Variants in CLSTN2 observed in about 807,000 individuals in gnomAD.
The protein encoded by CLSTN2 is calsyntenin 2.
A neutral mutation model predicts 101.2 loss-of-function variants in CLSTN2; 48 were observed. The observed-to-expected ratio is 0.47, with a 90% CI of 0.38 to 0.60. CLSTN2 has a LOEUF of 0.60. CLSTN2 is among the 20% of genes least tolerant of loss of function. The probability of loss-of-function intolerance (pLI) is 0.00; values close to 1 mark genes in which losing one functional copy is unlikely to be tolerated. For synonymous variants in CLSTN2, 481 were observed against 463.6 expected, an observed-to-expected ratio of 1.04 and a Z score of -0.48; for missense variants, 1,160 against 1,238.2, an observed-to-expected ratio of 0.94 and a Z score of 0.95.
chr3:140,146,587 G>A (rs73868756), intron 1 of CLSTN2, among the ~76,000 whole-genome samples: 5,574 of 152,280 alleles, frequency 0.037, 222 homozygotes, highest in African/African-American at 0.1. Flanking sequence ...AGAAAAATTT[G>A]AAAGAAGTTG....
At chr3:140,141,416 G>A (rs1339978072) in intron 1 of CLSTN2, among the ~76,000 whole-genome samples, 1 of 152,214 alleles carries the variant, frequency 6.6e-6, no homozygotes, top group Non-Finnish European at 1.5e-5. Context: ...GAAGGCACAG[G>A]CAGGAGTGAC....
At chr3:140,536,796 G>GT (rs1935367635) in intron 9 of CLSTN2, among the ~76,000 whole-genome samples, 1 of 152,196 alleles carries the variant, frequency 6.6e-6, no homozygotes, top group Non-Finnish European at 1.5e-5. Context: ...TGGCAGGGAA[G>GT]TTTGGCATCC....
intron 10 of CLSTN2, among the ~76,000 whole-genome samples, chr3:140,549,438 T>TG (rs1334113847): frequency 2.6e-5 from 4 of 151,546 alleles, no homozygotes; most frequent in Non-Finnish European, 1.5e-5. Context: ...CCACTGCAAA[T>TG]GATCCTCTTC....
chr3:140,187,467 A>T (rs971554754), intron 2 of CLSTN2, among the ~76,000 whole-genome samples: 1 of 152,126 alleles, frequency 6.6e-6, no homozygotes, highest in South Asian at 2.1e-4. Flanking sequence ...CTTGCTCAGG[A>T]GCTCCATCAG....
At chr3:140,434,949 G>T (rs1467539562) in intron 5 of CLSTN2, among the ~76,000 whole-genome samples, 1 of 152,032 alleles carries the variant, frequency 6.6e-6, no homozygotes, top group Non-Finnish European at 1.5e-5. Context: ...TACATAGTAG[G>T]TGTATATATT....
rs138955278 is a variant in CLSTN2, at chr3:140,564,224, C to T, written c.2667+79C>T. On this transcript the variant is annotated intron_variant, in intron 16 of 16. Coordinates refer to ENST00000458420, the MANE Select transcript of CLSTN2 (RefSeq NM_022131.3). ...AGCTCAACCCTTCCTATGCCTAAAG[C>T]AGCCCCATACCCCCTCCTTCTGGAA... 219 of 1,314,184 alleles carry T rather than the reference C, an allele frequency of 1.7e-4. 2 individuals are homozygous for T. The East Asian group carries it at 3.9e-3, about 24-fold the overall frequency. The allele number at this position is 1,314,184 out of a possible 1,614,324, so 81.4% of individuals were successfully genotyped here.
At chr3:139,937,227 T>A (rs1266748204) in intron 1 of CLSTN2, among the ~76,000 whole-genome samples, 1 of 151,764 alleles carries the variant, frequency 6.6e-6, no homozygotes, top group Non-Finnish European at 1.5e-5. Context: ...AGGGAAGAAA[T>A]CATTTGGGAA....
At chr3:140,295,697 A>G (rs59151292) in intron 2 of CLSTN2, among the ~76,000 whole-genome samples, 35,075 of 152,168 alleles carry the variant, frequency 0.23, 4,237 homozygotes, top group East Asian at 0.42. Context: ...CATTATAAGT[A>G]TAAATGCTCA....
chr3:140,365,884 C>T (rs550172209), intron 2 of CLSTN2, among the ~76,000 whole-genome samples: 1 of 152,326 alleles, frequency 6.6e-6, no homozygotes, highest in East Asian at 1.9e-4. Flanking sequence ...AACAACCCCA[C>T]ACCCTGAGCT....
chr3:139,949,838 A>G (rs144322932), intron 1 of CLSTN2, among the ~76,000 whole-genome samples: 11 of 152,230 alleles, frequency 7.2e-5, no homozygotes, highest in African/African-American at 2.7e-4. Flanking sequence ...TCCTATCAGC[A>G]TTCCCTTAAA....
At position 140,443,286 on chromosome 3, in the gene CLSTN2, C is replaced by A. The variant is rs114693669; in HGVS notation, c.788-5233C>A. Among the ~76,000 whole-genome samples, 604 of 152,338 alleles carry A rather than the reference C, an allele frequency of 4.0e-3. 5 individuals are homozygous for A. The highest frequency in any genetic ancestry group is 0.013 in the African/African-American group (521 of 41,586). On this transcript the variant is annotated intron_variant, in intron 5 of 16. Transcript: ENST00000458420. ...CTCTTTCCCTTTTATTATTCTGCAT[C>A]GTTTCTGACCACAGAATTGGAACAA...
At chr3:140,017,849 A>C (rs1406254842) in intron 1 of CLSTN2, among the ~76,000 whole-genome samples, 1 of 152,242 alleles carries the variant, frequency 6.6e-6, no homozygotes, top group African/African-American at 2.4e-5. Flanking sequence ...CAGTGTCCTG[A>C]GGTTGGGCCA....
intron 2 of CLSTN2, among the ~76,000 whole-genome samples, chr3:140,373,045 G>A (rs1338089252): frequency 6.6e-6 from 1 of 152,118 alleles, no homozygotes; most frequent in Admixed American, 6.6e-5. Context: ...ACCATCCTGG[G>A]GGACAGATTG....
At chr3:140,360,464 A>G (rs1462401973) in intron 2 of CLSTN2, among the ~76,000 whole-genome samples, 1 of 152,268 alleles carries the variant, frequency 6.6e-6, no homozygotes, top group Non-Finnish European at 1.5e-5. Flanking sequence ...TGATCAAGAA[A>G]GGTCTCTCAA....
rs117500588 is a variant in CLSTN2, at chr3:140,266,573, C to T, written c.232+90500C>T. Among the ~76,000 whole-genome samples, 14 of 152,294 alleles carry T rather than the reference C, an allele frequency of 9.2e-5. No individual in the cohort carries two copies. The East Asian group carries it at 2.3e-3, about 25-fold the overall frequency. On this transcript the variant is annotated intron_variant, in intron 2 of 16. Coordinates refer to ENST00000458420, the MANE Select transcript of CLSTN2 (RefSeq NM_022131.3). Reference sequence around the variant, plus strand: ...TCTGTTTACCTATCTATTCCTAAAGCTCATCATTAGCTTTAAATAGGTTGT... The same window carrying T: ...TCTGTTTACCTATCTATTCCTAAAGTTCATCATTAGCTTTAAATAGGTTGT...
intron 9 of CLSTN2, among the ~76,000 whole-genome samples, chr3:140,533,841 A>C (rs549099808): frequency 6.6e-6 from 1 of 152,290 alleles, no homozygotes; most frequent in South Asian, 2.1e-4. Context: ...AAGAAGATGA[A>C]AAGGAGTACA....
intron 2 of CLSTN2, among the ~76,000 whole-genome samples, chr3:140,252,270 C>T (rs1248840599): frequency 6.6e-6 from 1 of 152,124 alleles, no homozygotes; most frequent in Non-Finnish European, 1.5e-5. Context: ...GAGCAAACTC[C>T]ACAGTGAAAC....
chr3:140,207,670 C>A (rs1267746387), intron 2 of CLSTN2, among the ~76,000 whole-genome samples: 2 of 152,252 alleles, frequency 1.3e-5, no homozygotes, highest in African/African-American at 2.4e-5. Flanking sequence ...TGAAAATCCT[C>A]CTGTGTACAT....
At chr3:140,211,704 C>T (rs75846472) in intron 2 of CLSTN2, among the ~76,000 whole-genome samples, 1 of 151,848 alleles carries the variant, frequency 6.6e-6, no homozygotes, top group Non-Finnish European at 1.5e-5. Flanking sequence ...ACTTGAATGA[C>T]ACCATATTTG....
Sources: allele counts gnomAD v4.1 joint callset (sites outside exome capture counted in the v4.1 genomes callset), GRCh38; gene constraint gnomAD v4.1.1; transcripts MANE v1.5; gene names NCBI Gene and HGNC (gene_info 2026-07-23, HGNC 2026-07-21).